GPR137B: variants seen among roughly 807,000 people sequenced by gnomAD.
GPR137B encodes integral membrane protein GPR137B.
In GPR137B, 42 loss-of-function variants were observed where a neutral mutation model predicts 42.5. The observed-to-expected ratio is 0.99, with a 90% CI of 0.77 to 1.28. GPR137B has a LOEUF of 1.28. GPR137B is among the 50% of genes most tolerant of loss of function. The pLI, the probability that GPR137B is intolerant of heterozygous loss-of-function variation, is 0.00. For missense variants in GPR137B, 487 were observed against 493.9 expected (o/e 0.99, Z 0.13); for synonymous variants, 218 against 209.7 (o/e 1.04, Z -0.34).
intron 4 of GPR137B, among the ~76,000 whole-genome samples, chr1:236,181,351 T>C (rs557471761): frequency 6.6e-6 from 1 of 150,676 alleles, no homozygotes; most frequent in Admixed American, 6.6e-5. Flanking sequence ...TTTTTTTTCC[T>C]CATCTTGGGC....
chr1:236,155,911 T>C lies in GPR137B; in HGVS notation c.415-12795T>C, dbSNP rs1236210140. On this transcript the variant is annotated intron_variant, in intron 1 of 6. Transcript: ENST00000366592. This position sits in a 1 kb window ranked among gnomAD's most constrained non-coding sequence, Gnocchi z 4.6. ...GGGACATCCTGGGTGGGAGCTGAGC[T>C]CCTGCCTTGTGGGGTGCACATGCAC... Among the ~76,000 whole-genome samples the C allele has an allele frequency of 6.6e-6, 1 of 152,220 alleles. No homozygotes were observed. Among genetic ancestry groups the C allele is most frequent in the Admixed American group, 6.5e-5 (1 of 15,278 alleles).
In GPR137B at chr1:236,156,533, C is replaced by T. The variant is rs550173740; in HGVS notation, c.415-12173C>T. Among the ~76,000 whole-genome samples, 15 of 152,350 alleles carry T rather than the reference C, an allele frequency of 9.8e-5. No homozygotes were observed. The South Asian group carries it at 3.1e-3, about 32-fold the overall frequency. On this transcript the variant is annotated intron_variant, in intron 1 of 6. Coordinates refer to ENST00000366592, the MANE Select transcript of GPR137B (RefSeq NM_003272.4). The surrounding 1 kb of genome is among the most constrained non-coding windows in gnomAD (Gnocchi z 4.8). ...CTGACGTTTGGAAGAAAAGAACATC[C>T]TAACGCAGGCATAGAGGCCCCGCCC...
intron 1 of GPR137B, among the ~76,000 whole-genome samples, chr1:236,152,640 G>A (rs1470213277): frequency 6.6e-6 from 1 of 151,928 alleles, no homozygotes; most frequent in African/African-American, 2.4e-5. Flanking sequence ...TGTAATCCCA[G>A]CCATTGAGGA....
In GPR137B at chr1:236,168,734, C is replaced by A; in HGVS notation, c.443C>A (p.Ser148Tyr). Residue 148 changes from serine to tyrosine, a missense_variant, in exon 2 of 7, where the codon TCT becomes TAT. Coordinates refer to ENST00000366592, the MANE Select transcript of GPR137B (RefSeq NM_003272.4). ...ATTTTCAAAGCCAAGTCAAAATATTCTCCAGAATTACTCAAATACCGGTAA... is the reference window on the plus strand; with the variant it reads ...ATTTTCAAAGCCAAGTCAAAATATTATCCAGAATTACTCAAATACCGGTAA... ...QVIFKAKSKY[S>Y]PELLKYRLPL... 6.2e-7 allele frequency: 1 copy of A among 1,611,844 alleles called. No individual in the cohort carries two copies. The highest frequency in any genetic ancestry group is 8.5e-7 in the Non-Finnish European group (1 of 1,177,904).
rs1031902782 is a variant in GPR137B at position 236,156,619 on chromosome 1, G to A, written c.415-12087G>A. On this transcript the variant is annotated intron_variant, in intron 1 of 6. Transcript: ENST00000366592. This position sits in a 1 kb window ranked among gnomAD's most constrained non-coding sequence, Gnocchi z 4.8. ...CAGATCCCCTCCCCGCCGCAGAGCCGCCTTGTGTGTCTTCCGGGAACCCTG... is the reference window on the plus strand; with the variant it reads ...CAGATCCCCTCCCCGCCGCAGAGCCACCTTGTGTGTCTTCCGGGAACCCTG... Among the ~76,000 whole-genome samples the A allele has an allele frequency of 2.6e-5, 4 of 152,196 alleles. No homozygotes were observed. The highest frequency in any genetic ancestry group is 9.6e-5 in the African/African-American group (4 of 41,452).
intron 1 of GPR137B, among the ~76,000 whole-genome samples, chr1:236,166,891 A>T (rs1325268531): frequency 6.6e-6 from 1 of 151,954 alleles, no homozygotes; most frequent in Non-Finnish European, 1.5e-5. Flanking sequence ...GGCCCAAGCG[A>T]TCCTCCCATT....
intron 4 of GPR137B, among the ~76,000 whole-genome samples, chr1:236,182,541 C>T (rs1662914947): frequency 6.6e-6 from 1 of 151,864 alleles, no homozygotes; most frequent in Non-Finnish European, 1.5e-5. Flanking sequence ...TTGAGACCAG[C>T]CCTGGCAACA....
intron 1 of GPR137B, among the ~76,000 whole-genome samples, chr1:236,163,598 T>A (rs1176845106): frequency 6.6e-6 from 1 of 152,192 alleles, no homozygotes; most frequent in Non-Finnish European, 1.5e-5. Flanking sequence ...TTTCTTGTAC[T>A]ATTCTTGTGA....
Position 236,208,803 on chromosome 1 carries a change from G to T in GPR137B, c.*645G>T. 1 of 984,990 alleles carries T rather than the reference G, an allele frequency of 1.0e-6. No homozygotes were observed. The highest frequency in any genetic ancestry group is 4.7e-5 in the South Asian group (1 of 21,264). The allele number at this position is 984,990 out of a possible 1,614,324, so 61.0% of individuals were successfully genotyped here. On this transcript the variant is annotated 3_prime_UTR_variant, in exon 7 of 7. Coordinates refer to ENST00000366592, the MANE Select transcript of GPR137B (RefSeq NM_003272.4). ...TCTCTTAAGTTTTGCCCAAAGACTG[G>T]TACTTCCTTTCAGTAGGGCGCTAAT...
intron 2 of GPR137B, among the ~76,000 whole-genome samples, chr1:236,173,290 CA>C (rs66639028): frequency 0.26 from 22,503 of 86,232 alleles, 1,752 homozygotes; most frequent in East Asian, 0.4. Flanking sequence ...GACCCTGTCT[CA>C]AAAAAAAAAA....
intron 5 of GPR137B, among the ~76,000 whole-genome samples, chr1:236,187,588 A>G (rs893352851): frequency 6.6e-6 from 1 of 152,132 alleles, no homozygotes; most frequent in Non-Finnish European, 1.5e-5. Flanking sequence ...TAAATAGGAA[A>G]TCTTTCCCCA....
chr1:236,191,765 C>T (rs562763382), intron 5 of GPR137B, among the ~76,000 whole-genome samples: 44 of 152,180 alleles, frequency 2.9e-4, no homozygotes, highest in Non-Finnish European at 5.4e-4. Flanking sequence ...TCTGTCAGCC[C>T]CTACTGGGAG....
chr1:236,168,663 A>G lies in GPR137B; in HGVS notation c.415-43A>G, dbSNP rs762853017. ...GTGATGGTATCAGTCTGGTTCTGTC[A>G]ACATATTGGACCCCAACCTGCCATG... On this transcript the variant is annotated intron_variant, in intron 1 of 6. Coordinates refer to ENST00000366592, the MANE Select transcript of GPR137B (RefSeq NM_003272.4). 2.0e-6 allele frequency: 3 copies of G among 1,523,654 alleles called. No individual in the cohort carries two copies. In the South Asian group the frequency reaches 3.4e-5, roughly 17 times the overall value. The allele number at this position is 1,523,654 out of a possible 1,614,324, so 94.4% of individuals were successfully genotyped here.
At chr1:236,203,977 T>TG (rs1250463842) in intron 5 of GPR137B, among the ~76,000 whole-genome samples, 1 of 152,214 alleles carries the variant, frequency 6.6e-6, no homozygotes, top group Non-Finnish European at 1.5e-5. Context: ...ATAACAGTGG[T>TG]GACTGTGTGT....
chr1:236,200,015 C>G (rs1238452207), intron 5 of GPR137B, among the ~76,000 whole-genome samples: 1 of 151,844 alleles, frequency 6.6e-6, no homozygotes, highest in Non-Finnish European at 1.5e-5. Context: ...CCTCTCAGCC[C>G]CACTTTTGCT....
In GPR137B at chr1:236,156,308, C is replaced by T. The variant is rs1032686785; in HGVS notation, c.415-12398C>T. ...CACCTGACCATGTATTCCAGTGACC[C>T]CTCTCACACCTGGCCAGCCTGGGAC... On this transcript the variant is annotated intron_variant, in intron 1 of 6. Transcript: ENST00000366592. This position sits in a 1 kb window ranked among gnomAD's most constrained non-coding sequence, Gnocchi z 4.8. 1.4e-4 allele frequency among the ~76,000 whole-genome samples: 22 copies of T among 152,166 alleles called. No homozygotes were observed. The highest frequency in any genetic ancestry group is 5.1e-4 in the African/African-American group (21 of 41,444).
chr1:236,142,739 C>G lies in GPR137B; in HGVS notation c.117C>G (p.Pro39=). The G allele has an allele frequency of 6.2e-7, 1 of 1,607,902 alleles. No individual in the cohort carries two copies. Among genetic ancestry groups the G allele is most frequent in the Non-Finnish European group, 8.5e-7 (1 of 1,178,178 alleles). ...CCACGCTGACCCCGGCCGTGCCCCC[C>G]TACGTGAAGCTTGGCCTCACCGTCG... ...LPPTLTPAVP[P]YVKLGLTVVY... Residue 39 remains proline (P), a synonymous_variant, in exon 1 of 7, where the codon CCC becomes CCG. Coordinates refer to ENST00000366592, the MANE Select transcript of GPR137B (RefSeq NM_003272.4).
chr1:236,163,301 T>C (rs542583069), intron 1 of GPR137B, among the ~76,000 whole-genome samples: 1 of 152,348 alleles, frequency 6.6e-6, no homozygotes, highest in East Asian at 1.9e-4. Context: ...ACTAGCTTGC[T>C]TTCGATTTTA....
In GPR137B at chr1:236,171,079, A is replaced by T. The variant is rs913641701; in HGVS notation, c.464+2324A>T. On this transcript the variant is annotated intron_variant, in intron 2 of 6. Coordinates refer to ENST00000366592, the MANE Select transcript of GPR137B (RefSeq NM_003272.4). This position sits in a 1 kb window ranked among gnomAD's most constrained non-coding sequence, Gnocchi z 4.4. ...CGAAATGTATTTATGTTTCAGATAC[A>T]CCTTATACACATATCCTGAAGGCAA... is the stretch of plus-strand genomic sequence containing the variant. 2.0e-5 allele frequency among the ~76,000 whole-genome samples: 3 copies of T among 152,140 alleles called. No individual in the cohort carries two copies. Among genetic ancestry groups the T allele is most frequent in the African/African-American group, 7.2e-5 (3 of 41,432 alleles).
Sources: gnomAD v4.1 joint callset for allele counts (sites outside exome capture counted in the v4.1 genomes callset) on GRCh38, gnomAD v4.1.1 for gene constraint, Gnocchi (gnomAD v3.1) non-coding constraint, MANE v1.5 for transcripts, NCBI Gene and HGNC (gene_info 2026-07-23, HGNC 2026-07-21) for gene names.